NSMCE2: variants seen among roughly 807,000 people sequenced by gnomAD.
NSMCE2 encodes the protein E3 SUMO-protein ligase NSE2.
In NSMCE2, 24 loss-of-function variants were observed where a neutral mutation model predicts 23.8. That is an observed-to-expected ratio of 1.01 (90% CI 0.73 to 1.42). The LOEUF (loss-of-function observed/expected upper bound fraction) is 1.42. NSMCE2 is among the 40% of genes most tolerant of loss of function. The probability of loss-of-function intolerance (pLI) is 0.00; values close to 1 mark genes in which losing one functional copy is unlikely to be tolerated. For missense variants in NSMCE2, 284 were observed against 296.5 expected (o/e 0.96, Z 0.31); for synonymous variants, 92 against 94.1 (o/e 0.98, Z 0.13).
intron 5 of NSMCE2, among the ~76,000 whole-genome samples, chr8:125,223,397 A>G (rs1824956359): frequency 6.6e-6 from 1 of 152,140 alleles, no homozygotes; most frequent in Non-Finnish European, 1.5e-5. Flanking sequence ...GTAGACACTC[A>G]GGTTGCTTCC....
At chr8:125,292,685 C>T (rs1480469047) in intron 5 of NSMCE2, among the ~76,000 whole-genome samples, 2 of 152,178 alleles carry the variant, frequency 1.3e-5, no homozygotes, top group Non-Finnish European at 2.9e-5. Flanking sequence ...AGCTTCTTAC[C>T]ACCTGTAGTG....
chr8:125,101,097 C>A (rs908554540), intron 1 of NSMCE2, among the ~76,000 whole-genome samples: 27 of 152,186 alleles, frequency 1.8e-4, no homozygotes, highest in Admixed American at 1.4e-3. Context: ...AATTAGAAAT[C>A]TTATGCATCT....
At chr8:125,172,850 C>G (rs1187096874) in intron 4 of NSMCE2, among the ~76,000 whole-genome samples, 1 of 152,230 alleles carries the variant, frequency 6.6e-6, no homozygotes, top group African/African-American at 2.4e-5. Context: ...TCAGCCAGCT[C>G]TCAGCTAATT....
At chr8:125,125,225 T>A (rs1023387197) in intron 3 of NSMCE2, among the ~76,000 whole-genome samples, 3 of 152,178 alleles carry the variant, frequency 2.0e-5, no homozygotes, top group Non-Finnish European at 4.4e-5. Flanking sequence ...TGAGTAAAAG[T>A]GTCAAGAGCA....
chr8:125,246,480 C>A (rs1034953020), intron 5 of NSMCE2, among the ~76,000 whole-genome samples: 2 of 152,104 alleles, frequency 1.3e-5, no homozygotes, highest in African/African-American at 4.8e-5. Flanking sequence ...CCATGCCTGG[C>A]CCCAAAAATG....
chr8:125,170,872 C>T (rs1401423034), intron 4 of NSMCE2, among the ~76,000 whole-genome samples: 1 of 152,158 alleles, frequency 6.6e-6, no homozygotes, highest in Non-Finnish European at 1.5e-5. Context: ...AAGTGGTTCT[C>T]ATCCTCACAG....
At chr8:125,356,077 G>A (rs1813261913) in intron 5 of NSMCE2, among the ~76,000 whole-genome samples, 1 of 152,098 alleles carries the variant, frequency 6.6e-6, no homozygotes, top group Non-Finnish European at 1.5e-5. Flanking sequence ...CTTTTCATGA[G>A]TGAATTTTCC....
At chr8:125,316,883 A>G (rs926694586) in intron 5 of NSMCE2, among the ~76,000 whole-genome samples, 1 of 151,786 alleles carries the variant, frequency 6.6e-6, no homozygotes, top group Admixed American at 6.6e-5. Context: ...GACTCAAGGA[A>G]TTCTTGCACC....
intron 3 of NSMCE2, among the ~76,000 whole-genome samples, chr8:125,133,959 A>G (rs1446541558): frequency 6.6e-6 from 1 of 152,162 alleles, no homozygotes; most frequent in African/African-American, 2.4e-5. Context: ...TCCAACCCCC[A>G]AGGCTTCAGA....
chr8:125,258,940 T>C (rs924608690), intron 5 of NSMCE2, among the ~76,000 whole-genome samples: 5 of 152,170 alleles, frequency 3.3e-5, no homozygotes, highest in Admixed American at 6.5e-5. Context: ...TTTGCTCTTG[T>C]TGCCCAGGCT....
intron 7 of NSMCE2, among the ~76,000 whole-genome samples, chr8:125,358,848 C>G (rs1011881930): frequency 3.9e-5 from 6 of 152,146 alleles, no homozygotes; most frequent in African/African-American, 1.4e-4. Context: ...TCTTGATGGT[C>G]ATTCAGGCAA....
At chr8:125,187,290 A>C (rs577306307) in intron 5 of NSMCE2, among the ~76,000 whole-genome samples, 3 of 152,230 alleles carry the variant, frequency 2.0e-5, no homozygotes, top group Admixed American at 2.0e-4. Context: ...GATGACTAGG[A>C]TAGTGATGGT....
chr8:125,198,113 T>A (rs192230364), intron 5 of NSMCE2, among the ~76,000 whole-genome samples: 275 of 152,344 alleles, frequency 1.8e-3, no homozygotes, highest in African/African-American at 6.5e-3. Flanking sequence ...TTTCTAACTA[T>A]ACAATCATGT....
chr8:125,246,927 A>C (rs1468336123), intron 5 of NSMCE2, among the ~76,000 whole-genome samples: 1 of 152,062 alleles, frequency 6.6e-6, no homozygotes, highest in Non-Finnish European at 1.5e-5. Flanking sequence ...AATACTTAAG[A>C]TCAGCATTCT....
chr8:125,345,811 G>A (rs1830411257), intron 5 of NSMCE2, among the ~76,000 whole-genome samples: 1 of 152,220 alleles, frequency 6.6e-6, no homozygotes, highest in Non-Finnish European at 1.5e-5. Flanking sequence ...AGTAGGAGAT[G>A]AGGATACTTA....
At chr8:125,271,260 C>A (rs1192080347) in intron 5 of NSMCE2, among the ~76,000 whole-genome samples, 356 of 126,606 alleles carry the variant, frequency 2.8e-3, no homozygotes, top group African/African-American at 3.0e-3. Context: ...GACTCCATCT[C>A]AAAAAAAAAA....
chr8:125,305,698 A>G (rs1828727719), intron 5 of NSMCE2, among the ~76,000 whole-genome samples: 1 of 152,228 alleles, frequency 6.6e-6, no homozygotes, highest in Admixed American at 6.5e-5. Context: ...AGAAACTCGT[A>G]TACCTGCATA....
chr8:125,116,543 A>C (rs1019469944), intron 3 of NSMCE2, among the ~76,000 whole-genome samples: 1 of 152,134 alleles, frequency 6.6e-6, no homozygotes, highest in Non-Finnish European at 1.5e-5. Flanking sequence ...TTGCTTTTAT[A>C]ATGTTAGAAT....
intron 5 of NSMCE2, among the ~76,000 whole-genome samples, chr8:125,305,006 G>GGAAA (rs377402385): frequency 2.0e-5 from 3 of 151,408 alleles, no homozygotes; most frequent in African/African-American, 7.3e-5. Flanking sequence ...AAGGAAGGAA[G>GGAAA]GAAAGAAAGA....
Sources: gnomAD v4.1 joint callset for allele counts (sites outside exome capture counted in the v4.1 genomes callset) on GRCh38, gnomAD v4.1.1 for gene constraint, MANE v1.5 for transcripts, NCBI Gene and HGNC (gene_info 2026-07-23, HGNC 2026-07-21) for gene names.